PDE4DIP: variants seen among roughly 807,000 people sequenced by gnomAD.
PDE4DIP encodes phosphodiesterase 4D interacting protein, also known as myomegalin.
A neutral mutation model predicts 221.4 loss-of-function variants in PDE4DIP; 59 were observed. That is an observed-to-expected ratio of 0.27 (90% CI 0.22 to 0.33). PDE4DIP has a LOEUF of 0.33. Ranked by LOEUF, PDE4DIP falls within the 10% of genes least tolerant of loss-of-function variation. The pLI, the probability that PDE4DIP is intolerant of heterozygous loss-of-function variation, is 1.00. For synonymous variants in PDE4DIP, 404 were observed against 815.9 expected, an observed-to-expected ratio of 0.50 and a Z score of 8.60; for missense variants, 1,036 against 2,154.2, an observed-to-expected ratio of 0.48 and a Z score of 10.28.
chr1:149,007,386 T>A (rs782676492), exon 28 of PDE4DIP: 2 of 1,004,946 alleles, frequency 2.0e-6, no homozygotes, highest in East Asian at 5.0e-5. Flanking sequence ...CGGGAGCAAC[T>A]CGCCCAGGGA....
chr1:149,028,425 A>T (rs1461276720), intron 40 of PDE4DIP, 135 bp from the exon 44 acceptor site: 9 of 602,668 alleles, frequency 1.5e-5, no homozygotes, highest in East Asian at 6.8e-5. Context: ...TAGTTCTGAG[A>T]GCTGCAAATG....
intron 1 of PDE4DIP, among the ~76,000 whole-genome samples, chr1:148,923,120 TAG>T (rs1469110288): frequency 7.3e-6 from 1 of 136,716 alleles, no homozygotes; most frequent in Non-Finnish European, 1.6e-5. Flanking sequence ...GTATTTTTAG[TAG>T]AGACAGCGTT....
chr1:148,918,629 A>G lies in PDE4DIP; in HGVS notation c.142-10568A>G, dbSNP rs1553460113. Among the ~76,000 whole-genome samples the G allele has an allele frequency of 3.8e-3, 358 of 93,654 alleles. 23 individuals carry two copies. The East Asian group carries it at 0.18, about 47-fold the overall frequency. The allele number at this position is 93,654 out of a possible 152,430, so 61.4% of individuals were successfully genotyped here. On this transcript the variant is annotated intron_variant, in intron 1 of 43. Transcript: ENST00000369354. Reference sequence around the variant, plus strand: ...CCTCTGTCTCTCTCTCTCTACACACACACACACACACACACACACACACAC... The same window carrying G: ...CCTCTGTCTCTCTCTCTCTACACACGCACACACACACACACACACACACAC...
At chr1:148,929,156 C>A (rs1478075350) in intron 1 of PDE4DIP, 41 bp from the exon 5 acceptor site, 3 of 1,605,068 alleles carry the variant, frequency 1.9e-6, no homozygotes, top group Non-Finnish European at 2.6e-6. Context: ...GAAAGAGTGT[C>A]TGTGGCAGTT....
At chr1:148,944,832 C>G (rs2051261240) in intron 5 of PDE4DIP, among the ~76,000 whole-genome samples, 1 of 152,156 alleles carries the variant, frequency 6.6e-6, no homozygotes, top group Non-Finnish European at 1.5e-5. Context: ...GATAGTGCCA[C>G]TGCACTCCAT....
rs587756771 is a variant in PDE4DIP, at chr1:148,970,335, T to C, written c.1980+1305T>C. On this transcript the variant is annotated intron_variant, in intron 14 of 43. Coordinates refer to ENST00000369354, the Ensembl canonical transcript of PDE4DIP. ...AATTATTCTAAATTATTTAAATCTT[T>C]GGCAAGAGGCTAGGATCTTTGAGTT... is the stretch of plus-strand genomic sequence containing the variant. 1.7e-4 allele frequency among the ~76,000 whole-genome samples: 26 copies of C among 150,808 alleles called. No individual in the cohort carries two copies. In the East Asian group the frequency reaches 5.0e-3, roughly 29 times the overall value.
chr1:148,989,398 C>G (rs2062560049), intron 21 of PDE4DIP: 1 of 797,476 alleles, frequency 1.3e-6, no homozygotes, highest in South Asian at 3.2e-5. Context: ...AAGCCAGAAC[C>G]ATAGCATCCT....
intron 16 of PDE4DIP, 65 bp downstream of exon 19, chr1:148,972,657 T>G (rs1169730249): frequency 2.0e-6 from 1 of 495,468 alleles, no homozygotes; most frequent in African/African-American, 2.2e-5. Flanking sequence ...TCTAGTAATC[T>G]CTGTATTATA....
At chr1:148,820,436 CAG>C in intron 1 of PDE4DIP, among the ~76,000 whole-genome samples, 1 of 148,732 alleles carries the variant, frequency 6.7e-6, no homozygotes, top group South Asian at 2.2e-4. Context: ...GGCGTGGTGG[CAG>C]GCGCCTGTAA....
At chr1:148,890,191 T>TGGGAGC (rs1697884359) in intron 1 of PDE4DIP, among the ~76,000 whole-genome samples, 1 of 53,322 alleles carries the variant, frequency 1.9e-5, no homozygotes, top group Non-Finnish European at 4.1e-5. Context: ...GGGAGCTGGT[T>TGGGAGC]TAAAATGTAG....
At chr1:149,021,280 G>A (rs1478412641) in intron 37 of PDE4DIP, 127 bp downstream of exon 40, 29 of 719,884 alleles carry the variant, frequency 4.0e-5, no homozygotes, top group Middle Eastern at 4.5e-4. Flanking sequence ...ACCCCCACCC[G>A]AGCCTGGGGC....
intron 27 of PDE4DIP, chr1:149,006,389 C>T (rs587663536): frequency 3.0e-4 from 45 of 152,166 alleles, no homozygotes; most frequent in African/African-American, 1.0e-3. Flanking sequence ...CACTTAGGGT[C>T]TCTTGTTTTG....
At chr1:148,966,957 C>G (rs1328771517) in exon 12 of PDE4DIP, 4 of 1,611,058 alleles carry the variant, frequency 2.5e-6, no homozygotes, top group Non-Finnish European at 2.5e-6. Context: ...GTCCTCTCCT[C>G]CAATGAAGCT....
chr1:148,978,728 G>A (rs1397171723), intron 19 of PDE4DIP, among the ~76,000 whole-genome samples: 1 of 151,968 alleles, frequency 6.6e-6, no homozygotes, highest in African/African-American at 2.4e-5. Context: ...AGCTGCAGGT[G>A]CACACCACCA....
chr1:148,934,452 A>C (rs1442083436), intron 4 of PDE4DIP, among the ~76,000 whole-genome samples: 3 of 152,218 alleles, frequency 2.0e-5, no homozygotes, highest in Non-Finnish European at 4.4e-5. Flanking sequence ...TGTGGAGACT[A>C]AGGGTCAAAG....
intron 1 of PDE4DIP, among the ~76,000 whole-genome samples, chr1:148,927,836 C>G (rs1299385171): frequency 2.0e-5 from 3 of 152,180 alleles, no homozygotes; most frequent in East Asian, 1.9e-4. Flanking sequence ...TTGCAGAAAC[C>G]TCCTTAGGTT....
chr1:149,015,954 A>T (rs1391677507), intron 32 of PDE4DIP, among the ~76,000 whole-genome samples: 2 of 148,320 alleles, frequency 1.3e-5, no homozygotes, highest in Non-Finnish European at 3.0e-5. Context: ...CACAACTTCT[A>T]ACTGTGGGAG....
chr1:149,028,567 G>T (rs782068057), exon 41 of PDE4DIP: 3 of 1,610,672 alleles, frequency 1.9e-6, no homozygotes, highest in Non-Finnish European at 2.5e-6. Flanking sequence ...CAGGTGCTAG[G>T]CAGCAAAGGT....
chr1:148,979,952 A>T, intron 20 of PDE4DIP, 103 bp downstream of exon 23: 2 of 1,420,690 alleles, frequency 1.4e-6, no homozygotes, highest in East Asian at 5.3e-5. Flanking sequence ...GATGCTTATG[A>T]TACTGAAGAG....
Sources: allele counts gnomAD v4.1 joint callset (sites outside exome capture counted in the v4.1 genomes callset), GRCh38; gene constraint gnomAD v4.1.1; transcripts MANE v1.5; gene names NCBI Gene and HGNC (gene_info 2026-07-23, HGNC 2026-07-21).